Variants in ATG7 observed in about 807,000 individuals in gnomAD.
ATG7 encodes the protein ubiquitin-like modifier-activating enzyme ATG7.
In ATG7, 70 loss-of-function variants were observed where a neutral mutation model predicts 82.4. The ratio of observed to expected loss-of-function variants is 0.85; its 90% CI spans 0.70 to 1.04. The LOEUF is 1.04. Ranked by LOEUF, ATG7 falls within the 50% of genes least tolerant of loss-of-function variation. The probability of loss-of-function intolerance (pLI) is 0.00; values close to 1 mark genes in which losing one functional copy is unlikely to be tolerated. For synonymous variants in ATG7, 287 were observed against 313.0 expected, an observed-to-expected ratio of 0.92 and a Z score of 0.88; for missense variants, 792 against 864.3, an observed-to-expected ratio of 0.92 and a Z score of 1.05.
rs60200228 is a variant in ATG7 at position 11,538,874 on chromosome 3, CA to C, written c.2080-15928del. Among the ~76,000 whole-genome samples the C allele has an allele frequency of 2.1e-4, 29 of 140,194 alleles. 1 individual carries two copies. Among genetic ancestry groups the C allele is most frequent in the African/African-American group, 4.3e-4 (16 of 37,328 alleles). The allele number at this position is 140,194 out of a possible 152,430, so 92.0% of individuals were successfully genotyped here. ...GGGCAACAGAGTGAGACTCTTGTCT[CA>C]AAAAAAAAGAAAAAGAAAAAGCCCT... On this transcript the variant is annotated intron_variant, in intron 20 of 20. Transcript: ENST00000693202.
intron 20 of ATG7, among the ~76,000 whole-genome samples, chr3:11,445,063 C>T (rs148180791): frequency 1.3e-5 from 2 of 152,034 alleles, no homozygotes; most frequent in Non-Finnish European, 2.9e-5. Flanking sequence ...TAGATGCTGG[C>T]GAGGTTGTGG....
At chr3:11,496,118 G>A (rs1000974572) in intron 20 of ATG7, among the ~76,000 whole-genome samples, 4 of 152,146 alleles carry the variant, frequency 2.6e-5, no homozygotes, top group African/African-American at 7.2e-5. Flanking sequence ...AGCCCATTCC[G>A]TGAGAGGAAA....
Position 11,550,466 on chromosome 3 carries a change from G to C in ATG7, c.2080-4345G>C, listed in dbSNP as rs1029091165. On this transcript the variant is annotated intron_variant, in intron 20 of 20. Transcript: ENST00000693202. ...GCCCAGGCTGGAGTGCAGTGGTGCA[G>C]TCACAGCTCACTGCGGCCTCTACCT... Among the ~76,000 whole-genome samples, 3 of 152,104 alleles carry C rather than the reference G, an allele frequency of 2.0e-5. No homozygotes were observed. In the East Asian group the frequency reaches 5.8e-4, roughly 29 times the overall value.
At chr3:11,277,892 C>CG (rs1491123202) in intron 1 of ATG7, among the ~76,000 whole-genome samples, 1 of 26,986 alleles carries the variant, frequency 3.7e-5, no homozygotes, top group Admixed American at 3.8e-4. Context: ...CCTTTATAGA[C>CG]CCCCCCCCCC....
At chr3:11,538,491 G>A (rs1480978015) in intron 20 of ATG7, among the ~76,000 whole-genome samples, 1 of 151,806 alleles carries the variant, frequency 6.6e-6, no homozygotes, top group African/African-American at 2.4e-5. Context: ...TTCCTTAAGT[G>A]TAAAAATGCC....
intron 19 of ATG7, among the ~76,000 whole-genome samples, chr3:11,398,422 C>G (rs1432960861): frequency 6.6e-6 from 1 of 152,052 alleles, no homozygotes; most frequent in African/African-American, 2.4e-5. Flanking sequence ...AAACAGATAA[C>G]TAGAAAATCA....
rs540832908 is a variant in ATG7, at chr3:11,294,551, T to C, written c.-10-4135T>C. 2.6e-5 allele frequency among the ~76,000 whole-genome samples: 4 copies of C among 152,240 alleles called. No homozygotes were observed. In the East Asian group the frequency reaches 7.7e-4, roughly 29 times the overall value. On this transcript the variant is annotated intron_variant, in intron 3 of 20. Coordinates refer to ENST00000693202, the MANE Select transcript of ATG7 (RefSeq NM_001349232.2). ...TCACCTGTTTTCCATTGGGCAAAAT[T>C]ATAAAAATTCTTTCAAACAATTAAA...
At chr3:11,421,853 T>C (rs2081964444) in intron 19 of ATG7, among the ~76,000 whole-genome samples, 1 of 152,248 alleles carries the variant, frequency 6.6e-6, no homozygotes. Flanking sequence ...TGTCTTAGCA[T>C]GCATGAAAAC....
chr3:11,554,710 G>A (rs963931929), intron 20 of ATG7, 101 bp from the exon 21 acceptor site: 13 of 1,398,098 alleles, frequency 9.3e-6, no homozygotes, highest in Non-Finnish European at 1.3e-5. Context: ...GAGTGGTTCT[G>A]CAGGTGGGAG....
chr3:11,571,036 TGTTTGCCGAGGTGGCGGA>T, the ATG7 span, among the ~76,000 whole-genome samples: 1 of 152,162 alleles, frequency 6.6e-6, no homozygotes, highest in Non-Finnish European at 1.5e-5. Flanking sequence ...GTGAAGACGA[TGTTTGCCGAGGTGGCGGA>T]GGCTGAGGCA....
At chr3:11,554,305 C>G (rs929566964) in intron 20 of ATG7, among the ~76,000 whole-genome samples, 1 of 152,210 alleles carries the variant, frequency 6.6e-6, no homozygotes, top group African/African-American at 2.4e-5. Context: ...AGCCAGCTCT[C>G]TAGTGTGAGT....
intron 20 of ATG7, among the ~76,000 whole-genome samples, chr3:11,510,660 G>A: frequency 6.6e-6 from 1 of 152,176 alleles, no homozygotes; most frequent in Middle Eastern, 3.2e-3. Flanking sequence ...CCTCTTCCCA[G>A]GGCTTCATGC....
At chr3:11,290,592 AC>A in intron 3 of ATG7, 3 of 327,778 alleles carry the variant, frequency 9.2e-6, no homozygotes, top group Admixed American at 3.7e-5. Flanking sequence ...TGAACCAGCC[AC>A]CCCCAGGTAG....
intron 9 of ATG7, among the ~76,000 whole-genome samples, chr3:11,326,294 T>TTTGTTG (rs138143676): frequency 8.8e-4 from 133 of 151,536 alleles, no homozygotes; most frequent in Admixed American, 2.2e-3. Flanking sequence ...CTGTTTTTTT[T>TTTGTTG]TTGTTGTTGT....
chr3:11,299,862 T>C (rs926027117), intron 5 of ATG7, among the ~76,000 whole-genome samples: 5 of 152,132 alleles, frequency 3.3e-5, no homozygotes, highest in Non-Finnish European at 7.3e-5. Context: ...ATGATAGATA[T>C]ATCCTTGAAG....
At chr3:11,511,018 C>T (rs575656815) in intron 20 of ATG7, among the ~76,000 whole-genome samples, 285 of 152,242 alleles carry the variant, frequency 1.9e-3, no homozygotes, top group African/African-American at 6.5e-3. Flanking sequence ...TTTCTTCCTT[C>T]TGGTGGGTTC....
chr3:11,511,895 G>C lies in ATG7; in HGVS notation c.2080-42916G>C, dbSNP rs553305004. ...GGGCTGGCTGGCTGCTCCGAATGCG[G>C]GGCCCACCAAGCCCACACCCACCCA... On this transcript the variant is annotated intron_variant, in intron 20 of 20. Transcript: ENST00000693202. Among the ~76,000 whole-genome samples the C allele has an allele frequency of 2.0e-5, 3 of 152,216 alleles. No individual in the cohort carries two copies. The East Asian group carries it at 5.8e-4, about 29-fold the overall frequency.
intron 20 of ATG7, among the ~76,000 whole-genome samples, chr3:11,541,533 C>T (rs2070835096): frequency 6.6e-6 from 1 of 152,210 alleles, no homozygotes; most frequent in Non-Finnish European, 1.5e-5. Context: ...AGGATGTCAC[C>T]TTGCCAGCAC....
Position 11,422,740 on chromosome 3 carries a change from C to CTTTTTTTTTTTTTTTTTTT in ATG7, c.1957-4053_1957-4035dup, listed in dbSNP as rs557755646. Reference sequence around the variant, plus strand: ...CCTCACTATGCTTAATCATTTCTAGCTTTTTTTTTTTTTTTTTTTTTTTTT... The same window carrying CTTTTTTTTTTTTTTTTTTT: ...CCTCACTATGCTTAATCATTTCTAGCTTTTTTTTTTTTTTTTTTTTTTTTTTTTTTTTTTTTTTTTTTTT... On this transcript the variant is annotated intron_variant, in intron 19 of 20. Coordinates refer to ENST00000693202, the MANE Select transcript of ATG7 (RefSeq NM_001349232.2). Among the ~76,000 whole-genome samples the CTTTTTTTTTTTTTTTTTTT allele has an allele frequency of 1.6e-4, 8 of 49,546 alleles. 2 individuals carry two copies. The highest frequency in any genetic ancestry group is 1.1e-3 in the South Asian group (1 of 880). The allele number at this position is 49,546 out of a possible 152,430, so 32.5% of individuals were successfully genotyped here. A position where few individuals can be genotyped will look rare whatever the true frequency, so the allele number is the denominator to read the frequency against.
Sources: allele counts gnomAD v4.1 joint callset (sites outside exome capture counted in the v4.1 genomes callset), GRCh38; gene constraint gnomAD v4.1.1; transcripts MANE v1.5; gene names NCBI Gene and HGNC (gene_info 2026-07-23, HGNC 2026-07-21).